The following EBF1 variants were observed in gnomAD, a reference collection of about 807,000 sequenced individuals.
EBF1 encodes transcription factor COE1.
In EBF1, 10 loss-of-function variants were observed where a neutral mutation model predicts 68.4. The observed-to-expected ratio is 0.15, with a 90% CI of 0.09 to 0.25. The LOEUF is 0.25. EBF1 is among the 10% of genes least tolerant of loss of function. The pLI, the probability that EBF1 is intolerant of heterozygous loss-of-function variation, is 1.00. For missense variants in EBF1, 509 were observed against 794.4 expected (o/e 0.64, Z 4.32); for synonymous variants, 298 against 299.8 (o/e 0.99, Z 0.06).
chr5:158,732,958 A>G (rs553356892), intron 10 of EBF1, among the ~76,000 whole-genome samples: 1 of 152,320 alleles, frequency 6.6e-6, no homozygotes. Flanking sequence ...AAATCTTTCT[A>G]TCTATACTAG....
intron 11 of EBF1, among the ~76,000 whole-genome samples, chr5:158,721,673 G>A (rs569791514): frequency 3.3e-5 from 5 of 152,212 alleles, no homozygotes; most frequent in African/African-American, 9.6e-5. Flanking sequence ...TGGTTCGATC[G>A]TGTGACCTCT....
At chr5:159,054,079 A>G (rs1006962273) in intron 6 of EBF1, among the ~76,000 whole-genome samples, 1 of 152,238 alleles carries the variant, frequency 6.6e-6, no homozygotes, top group Non-Finnish European at 1.5e-5. Context: ...ATAAACTTAA[A>G]TAAAAATTCC....
At position 158,764,694 on chromosome 5, in the gene EBF1, A is replaced by G. The variant is rs559276794; in HGVS notation, c.1036+12719T>C. ...CTCAAAGTGTCAATGCTGGGGAGGC[A>G]GCTTGAGGTTCTAGAAGCCCCCAGT... On this transcript the variant is annotated intron_variant, in intron 10 of 15. Transcript: ENST00000313708. Among the ~76,000 whole-genome samples the G allele has an allele frequency of 1.2e-3, 185 of 152,326 alleles. 1 individual carries two copies. The highest frequency in any genetic ancestry group is 4.2e-3 in the African/African-American group (175 of 41,594).
intron 6 of EBF1, among the ~76,000 whole-genome samples, chr5:158,946,416 T>C (rs1025639684): frequency 1.3e-5 from 2 of 152,216 alleles, no homozygotes; most frequent in Admixed American, 6.5e-5. Flanking sequence ...TTCTGTTTGT[T>C]AGTTTTCCTT....
intron 5 of EBF1, 63 bp downstream of exon 5, chr5:159,084,603 G>T: frequency 1.3e-4 from 157 of 1,218,338 alleles, no homozygotes; most frequent in Non-Finnish European, 1.7e-4. Context: ...AGTTCACCAA[G>T]ATTTGAAATG....
At chr5:158,999,638 A>G (rs546048207) in intron 6 of EBF1, among the ~76,000 whole-genome samples, 111 of 152,342 alleles carry the variant, frequency 7.3e-4, no homozygotes, top group African/African-American at 2.5e-3. Context: ...GGTAAAAATG[A>G]AAACTAAGTT....
At chr5:158,771,223 C>T (rs937262949) in intron 10 of EBF1, among the ~76,000 whole-genome samples, 8 of 152,142 alleles carry the variant, frequency 5.3e-5, no homozygotes, top group African/African-American at 1.9e-4. Context: ...CTGCTTTTCT[C>T]ACTTACTTTT....
chr5:158,731,084 A>C lies in EBF1; in HGVS notation c.1110T>G (p.Pro370=). 6.2e-7 allele frequency: 1 copy of C among 1,614,086 alleles called. No individual in the cohort carries two copies. The highest frequency in any genetic ancestry group is 8.5e-7 in the Non-Finnish European group (1 of 1,179,948). The change falls in exon 11 of 16, where the codon CCT becomes CCG. Residue 370 remains proline, a synonymous_variant. Coordinates refer to ENST00000313708, the MANE Select transcript of EBF1 (RefSeq NM_024007.5). ...GTATCCTCACCTTTGGCAAACGCTC[A>C]GGGTCACCAGGGTGCCGAGGAATGA... The part of the protein sequence containing the change: ...QKVIPRHPGD[P]ERLPKEVILK...
chr5:158,789,066 A>C (rs939220814), intron 9 of EBF1, among the ~76,000 whole-genome samples: 1 of 152,192 alleles, frequency 6.6e-6, no homozygotes, highest in Middle Eastern at 3.4e-3. Context: ...GTTGTTCTTC[A>C]AAGTCATATT....
chr5:158,862,088 A>T (rs1273577728), intron 6 of EBF1, among the ~76,000 whole-genome samples: 1 of 152,232 alleles, frequency 6.6e-6, no homozygotes, highest in Non-Finnish European at 1.5e-5. Flanking sequence ...ATGATAAATA[A>T]TCCCTTGGTG....
intron 10 of EBF1, among the ~76,000 whole-genome samples, chr5:158,759,812 G>A (rs1397043353): frequency 9.2e-5 from 14 of 151,858 alleles, no homozygotes; most frequent in Admixed American, 4.6e-4. Flanking sequence ...AGGTGTCTTG[G>A]GGGCAAGAAC....
intron 6 of EBF1, among the ~76,000 whole-genome samples, chr5:159,049,455 C>T (rs1442576294): frequency 6.6e-6 from 1 of 152,170 alleles, no homozygotes; most frequent in African/African-American, 2.4e-5. Flanking sequence ...ATGTTTGAGT[C>T]TTGATTAGAC....
At chr5:158,898,225 C>G (rs1205367010) in intron 6 of EBF1, among the ~76,000 whole-genome samples, 1 of 152,064 alleles carries the variant, frequency 6.6e-6, no homozygotes, top group Non-Finnish European at 1.5e-5. Context: ...CTGAATAGCC[C>G]CTGGTCTTTT....
Position 159,082,478 on chromosome 5 carries a change from C to T in EBF1, c.485+2188G>A, listed in dbSNP as rs1379460064. Among the ~76,000 whole-genome samples the T allele has an allele frequency of 2.0e-5, 3 of 152,318 alleles. No homozygotes were observed. In the East Asian group the frequency reaches 5.8e-4, roughly 29 times the overall value. On this transcript the variant is annotated intron_variant, in intron 5 of 15. Transcript: ENST00000313708. Reference sequence around the variant, plus strand: ...GCCAGCCTGATTAATGGGGAACAGACTCTAATTTTATGCTTATAATTGAGC... The same window carrying T: ...GCCAGCCTGATTAATGGGGAACAGATTCTAATTTTATGCTTATAATTGAGC...
chr5:158,876,053 CT>C (rs1206780417), intron 6 of EBF1, among the ~76,000 whole-genome samples: 4 of 152,334 alleles, frequency 2.6e-5, no homozygotes, highest in Non-Finnish European at 5.9e-5. Flanking sequence ...TCTGATCCAA[CT>C]GCTTCATTTT....
At chr5:158,834,700 T>G (rs535186943) in intron 7 of EBF1, among the ~76,000 whole-genome samples, 1 of 152,362 alleles carries the variant, frequency 6.6e-6, no homozygotes, top group South Asian at 2.1e-4. Flanking sequence ...AAGCTGAGTT[T>G]GCTTGACAGA....
chr5:159,030,603 C>A (rs1023543068), intron 6 of EBF1, among the ~76,000 whole-genome samples: 1 of 152,144 alleles, frequency 6.6e-6, no homozygotes, highest in Admixed American at 6.5e-5. Context: ...GGAAAGGCAG[C>A]CCTGCAGAAG....
chr5:158,918,209 C>A (rs1215333863), intron 6 of EBF1, among the ~76,000 whole-genome samples: 1 of 152,212 alleles, frequency 6.6e-6, no homozygotes, highest in African/African-American at 2.4e-5. Context: ...ACTGGAAACT[C>A]TTTCAGTCTT....
chr5:158,818,821 A>AG (rs1196958879), intron 8 of EBF1, among the ~76,000 whole-genome samples: 2 of 152,146 alleles, frequency 1.3e-5, no homozygotes, highest in African/African-American at 2.4e-5. Context: ...GTAGGACCCC[A>AG]GGTCAGAGCT....
Sources: allele counts gnomAD v4.1 joint callset (sites outside exome capture counted in the v4.1 genomes callset), GRCh38; gene constraint gnomAD v4.1.1; transcripts MANE v1.5; gene names NCBI Gene and HGNC (gene_info 2026-07-23, HGNC 2026-07-21).